The following ZNF397 variants were observed in gnomAD, a reference collection of about 807,000 sequenced individuals.
The protein encoded by ZNF397 is zinc finger protein 397.
In ZNF397, 38 loss-of-function variants were observed where a neutral mutation model predicts 50.6. The observed-to-expected ratio is 0.75, with a 90% CI of 0.58 to 0.98. The LOEUF is 0.98. Among genes scored for constraint, ZNF397 ranks in the 50% least tolerant of loss-of-function variants. The pLI is 0.00. For synonymous variants in ZNF397, 228 were observed against 215.2 expected, an observed-to-expected ratio of 1.06 and a Z score of -0.52; for missense variants, 624 against 624.1, an observed-to-expected ratio of 1.00 and a Z score of 0.00.
intron 1 of ZNF397, 49 bp from the exon 2 acceptor site, chr18:35,242,338 GTACT>G (rs1912568614): frequency 4.9e-6 from 4 of 813,002 alleles, no homozygotes; most frequent in East Asian, 5.0e-5. Flanking sequence ...CTTATTACAA[GTACT>G]TAGAGATTTT....
In ZNF397 at chr18:35,245,784, G is replaced by A. The variant is rs1203968566; in HGVS notation, c.1079G>A (p.Arg360Gln). Reference protein sequence around the residue: ...FNQSSALIRHRKIHTGEKACK... With the variant: ...FNQSSALIRHQKIHTGEKACK... ...CAGAGCTCAGCCCTCATTAGACATC[G>A]GAAAATCCATACTGGTGAGAAAGCT... The change falls in exon 4 of 4, where the codon CGG (arginine) becomes CAG (glutamine). Residue 360 changes from arginine (R) to glutamine (Q), a missense_variant. Coordinates refer to ENST00000330501, the MANE Select transcript of ZNF397 (RefSeq NM_001135178.3). The A allele has an allele frequency of 5.8e-6, 9 of 1,551,572 alleles. No individual in the cohort carries two copies. The highest frequency in any genetic ancestry group is 2.0e-5 in the Admixed American group (1 of 50,950).
intron 5 of ZNF397, chr18:35,257,495 T>C: frequency 5.3e-6 from 1 of 188,520 alleles, no homozygotes; most frequent in East Asian, 1.5e-4. Context: ...CATTTGCCCC[T>C]TCCACCACGT....
chr18:35,246,596 G>T lies in ZNF397; in HGVS notation c.*286G>T, dbSNP rs2043486659. 5 of 1,158,616 alleles carry T rather than the reference G, an allele frequency of 4.3e-6. No individual in the cohort carries two copies. The highest frequency in any genetic ancestry group is 5.3e-6 in the Non-Finnish European group (5 of 939,420). The allele number at this position is 1,158,616 out of a possible 1,614,324, so 71.8% of individuals were successfully genotyped here. ...GAATGTAACATTGAAACCTCATTTT[G>T]TATGAAAGTGTCATGAATATAGCAA... On this transcript the variant is annotated 3_prime_UTR_variant, in exon 4 of 4. Coordinates refer to ENST00000330501, the MANE Select transcript of ZNF397 (RefSeq NM_001135178.3).
chr18:35,241,695 G>A (rs1337054723), intron 1 of ZNF397: 1 of 152,216 alleles, frequency 6.6e-6, no homozygotes, highest in African/African-American at 2.4e-5. Context: ...CACATGGTAA[G>A]CATTTTACAG....
At chr18:35,255,757 C>T (rs2043787933) in intron 5 of ZNF397, 1 of 154,218 alleles carries the variant, frequency 6.5e-6, no homozygotes, top group Admixed American at 6.5e-5. Flanking sequence ...CATTCCTTAC[C>T]AGAAATTAAA....
chr18:35,251,690 C>T (rs948028890), downstream of ZNF397: 4 of 152,196 alleles, frequency 2.6e-5, no homozygotes, highest in African/African-American at 9.7e-5. Flanking sequence ...CCTGCACTCT[C>T]TCTTGCCACC....
chr18:35,244,958 A>T (rs938373812), intron 3 of ZNF397, among the ~76,000 whole-genome samples: 3 of 152,210 alleles, frequency 2.0e-5, no homozygotes, highest in Non-Finnish European at 2.9e-5. Context: ...GGTGAGAGAC[A>T]CTTAAGCTTA....
chr18:35,250,863 C>T (rs902908772), downstream of ZNF397, among the ~76,000 whole-genome samples: 9 of 152,194 alleles, frequency 5.9e-5, no homozygotes, highest in Non-Finnish European at 1.2e-4. Flanking sequence ...AACTAAATCT[C>T]AGATGCCCCC....
At chr18:35,242,351 T>C in intron 1 of ZNF397, 40 bp from the exon 2 acceptor site, 1 of 953,624 alleles carries the variant, frequency 1.0e-6, no homozygotes, top group Non-Finnish European at 1.6e-6. Context: ...CTTAGAGATT[T>C]TATTGATTGC....
downstream of ZNF397, among the ~76,000 whole-genome samples, chr18:35,250,448 A>G (rs946957109): frequency 1.3e-5 from 2 of 152,228 alleles, no homozygotes; most frequent in Non-Finnish European, 2.9e-5. Flanking sequence ...TTCTCTTGGT[A>G]TAGAAGCAGT....
chr18:35,244,709 T>TAGTACATAG (rs1912798644), intron 3 of ZNF397, among the ~76,000 whole-genome samples: 1 of 135,594 alleles, frequency 7.4e-6, no homozygotes, highest in South Asian at 2.2e-4. Flanking sequence ...CTTAGTGGAT[T>TAGTACATAG]AAAGAGCTAT....
exon 6 of ZNF397, chr18:35,258,271 G>A (rs1039330640): frequency 2.6e-6 from 1 of 386,916 alleles, no homozygotes; most frequent in Non-Finnish European, 4.8e-6. Context: ...TGGAGAACGA[G>A]TAAATTTTGC....
chr18:35,253,504 T>TG, downstream of ZNF397: 9 of 1,610,606 alleles, frequency 5.6e-6, no homozygotes, highest in Non-Finnish European at 7.6e-6. Context: ...TATGCCTAAA[T>TG]GTTTTTCTAC....
rs570074457 is a variant in ZNF397, at chr18:35,241,098, C to G, written c.-92C>G. On this transcript the variant is annotated 5_prime_UTR_variant, in exon 1 of 4. Transcript: ENST00000330501. ...TGGGTGGCTCATTTCCTGGCCGCTC[C>G]TGGGCTTCGCGGTGAGGGACGTGGG... 6.6e-6 allele frequency: 1 copy of G among 152,330 alleles called. No homozygotes were observed. Among genetic ancestry groups the G allele is most frequent in the South Asian group, 2.1e-4 (1 of 4,844 alleles). 9.4% of individuals were successfully genotyped at this position (152,330 alleles called of 1,614,324 possible).
chr18:35,245,197 T>C (rs2043452989), intron 3 of ZNF397, 65 bp from the exon 4 acceptor site: 2 of 1,471,968 alleles, frequency 1.4e-6, no homozygotes, highest in South Asian at 1.5e-5. Flanking sequence ...TTTTCTCTCA[T>C]GTAGAAAGTT....
downstream of ZNF397, chr18:35,254,104 C>A (rs372085265): frequency 6.2e-7 from 1 of 1,614,056 alleles, no homozygotes; most frequent in Admixed American, 1.7e-5. Context: ...TTCCTTCACT[C>A]TCATGAGATT....
chr18:35,252,506 T>C (rs1326898746), downstream of ZNF397: 1 of 152,170 alleles, frequency 6.6e-6, no homozygotes, highest in Non-Finnish European at 1.5e-5. Context: ...TTCAGATTCA[T>C]TTTTTTAAAA....
downstream of ZNF397, chr18:35,253,842 C>T: frequency 1.2e-6 from 2 of 1,614,176 alleles, no homozygotes; most frequent in Non-Finnish European, 1.7e-6. Flanking sequence ...CCCCTGAAGG[C>T]TTTTCCACAT....
chr18:35,256,030 AAATT>A (rs796650812), intron 5 of ZNF397, among the ~76,000 whole-genome samples: 32 of 151,916 alleles, frequency 2.1e-4, no homozygotes, highest in African/African-American at 7.7e-4. Context: ...TGTAGGGACA[AAATT>A]AAGGGCAATG....
Sources: allele counts gnomAD v4.1 joint callset (sites outside exome capture counted in the v4.1 genomes callset), GRCh38; gene constraint gnomAD v4.1.1; transcripts MANE v1.5; gene names NCBI Gene and HGNC (gene_info 2026-07-23, HGNC 2026-07-21).